Variants in ZNF273 observed in about 807,000 individuals in gnomAD.
ZNF273 encodes zinc finger protein 273, also known as zinc finger protein 9.
In ZNF273, 11 loss-of-function variants were observed where a neutral mutation model predicts 14.9. That is an observed-to-expected ratio of 0.74 (90% CI 0.46 to 1.22). The LOEUF (loss-of-function observed/expected upper bound fraction) is 1.22. Ranked by LOEUF, ZNF273 falls within the 50% of genes most tolerant of loss-of-function variation. The pLI is 0.00. For synonymous variants in ZNF273, 199 were observed against 223.9 expected (o/e 0.89, Z 0.99); for missense variants, 577 against 660.6 (o/e 0.87, Z 1.39).
intron 3 of ZNF273, among the ~76,000 whole-genome samples, chr7:64,918,935 T>G (rs1794229105): frequency 6.6e-6 from 1 of 152,176 alleles, no homozygotes; most frequent in South Asian, 2.1e-4. Context: ...TCTGCATAAT[T>G]TTGAGAAACT....
intron 1 of ZNF273, among the ~76,000 whole-genome samples, chr7:64,913,413 T>G (rs1036728030): frequency 2.0e-5 from 3 of 152,250 alleles, no homozygotes; most frequent in African/African-American, 7.2e-5. Context: ...AATCACATAA[T>G]GTGTTATTTC....
downstream of ZNF273, among the ~76,000 whole-genome samples, chr7:64,882,330 G>A (rs1791285306): frequency 0.011 from 1 of 88 alleles, no homozygotes; most frequent in African/African-American, 0.036. Context: ...AGCCGACCAC[G>A]GAGACGCCCC....
At chr7:64,909,229 CT>C (rs35538141) in intron 1 of ZNF273, among the ~76,000 whole-genome samples, 64 of 145,344 alleles carry the variant, frequency 4.4e-4, no homozygotes, top group Admixed American at 5.5e-4. Context: ...ATGTTTTCTT[CT>C]TTTTTTTTTT....
At chr7:64,916,112 C>T (rs1793961921) in intron 1 of ZNF273, among the ~76,000 whole-genome samples, 1 of 152,036 alleles carries the variant, frequency 6.6e-6, no homozygotes, top group Non-Finnish European at 1.5e-5. Context: ...AGGAGAATCG[C>T]TTGAGCCTGA....
chr7:64,923,013 T>C (rs1794579635), intron 3 of ZNF273, among the ~76,000 whole-genome samples: 2 of 152,068 alleles, frequency 1.3e-5, no homozygotes, highest in Admixed American at 6.6e-5. Flanking sequence ...TTACAATAAA[T>C]ATTCTTAAAT....
Position 64,928,623 on chromosome 7 carries a change from G to A in ZNF273, c.1295G>A (p.Cys432Tyr), listed in dbSNP as rs1296659579. The A allele has an allele frequency of 6.2e-7, 1 of 1,613,226 alleles. No individual in the cohort carries two copies. Among genetic ancestry groups the A allele is most frequent in the Non-Finnish European group, 8.5e-7 (1 of 1,179,716 alleles). The change falls in exon 4 of 4, where the codon TGT (cysteine) becomes TAT (tyrosine). Residue 432 changes from cysteine to tyrosine, a missense_variant. Coordinates refer to ENST00000476120, the MANE Select transcript of ZNF273 (RefSeq NM_021148.3). Reference protein sequence around the residue: ...RIYTKEKPYKCEECGKAFSVF... With the variant: ...RIYTKEKPYKYEECGKAFSVF... Reference sequence around the variant, plus strand: ...TATACTAAAGAGAAACCATACAAATGTGAAGAATGTGGAAAAGCCTTTAGT... The same window carrying A: ...TATACTAAAGAGAAACCATACAAATATGAAGAATGTGGAAAAGCCTTTAGT...
downstream of ZNF273, among the ~76,000 whole-genome samples, chr7:64,891,519 G>C (rs367788144): frequency 1.3e-5 from 2 of 152,158 alleles, no homozygotes; most frequent in Non-Finnish European, 2.9e-5. Flanking sequence ...TTCCAAACTG[G>C]TCCAAGGATC....
intron 1 of ZNF273, among the ~76,000 whole-genome samples, chr7:64,910,186 T>A (rs1272615986): frequency 6.6e-6 from 1 of 152,158 alleles, no homozygotes; most frequent in East Asian, 1.9e-4. Context: ...AATTAGGTCT[T>A]ATTTGTCCAT....
chr7:64,898,992 C>T (rs1301504117), upstream of ZNF273, among the ~76,000 whole-genome samples: 5 of 152,202 alleles, frequency 3.3e-5, no homozygotes, highest in Admixed American at 1.3e-4. Flanking sequence ...ACTAGATTTG[C>T]AATTTTCAAT....
chr7:64,912,422 G>GAAGTCT (rs1562959005), intron 1 of ZNF273, among the ~76,000 whole-genome samples: 1 of 152,118 alleles, frequency 6.6e-6, no homozygotes, highest in East Asian at 1.9e-4. Context: ...TGCTAGAATC[G>GAAGTCT]AAGTCTCTTC....
exon 2 of ZNF273, chr7:64,888,661 G>A (rs998024335): frequency 1.0e-6 from 1 of 985,818 alleles, no homozygotes; most frequent in South Asian, 4.7e-5. Flanking sequence ...CTGACCAGGG[G>A]GCCGCGTCTT....
chr7:64,904,415 A>C (rs969081663), intron 1 of ZNF273, among the ~76,000 whole-genome samples: 2 of 152,130 alleles, frequency 1.3e-5, no homozygotes, highest in Non-Finnish European at 2.9e-5. Context: ...TTTTTAAAAA[A>C]TGGGGACCCT....
At chr7:64,903,212 C>A (rs1039189314), upstream of ZNF273, 309 of 908,106 alleles carry the variant, frequency 3.4e-4, 1 homozygote, top group Middle Eastern at 1.6e-3. Flanking sequence ...GGCTGGGACC[C>A]GTCCAATCAG....
At chr7:64,921,956 A>G (rs1794496844) in intron 3 of ZNF273, among the ~76,000 whole-genome samples, 1 of 152,004 alleles carries the variant, frequency 6.6e-6, no homozygotes, top group African/African-American at 2.4e-5. Context: ...ACTGTGTCAG[A>G]TATGATTATG....
chr7:64,920,677 G>T (rs1277976095), intron 3 of ZNF273, among the ~76,000 whole-genome samples: 1 of 145,340 alleles, frequency 6.9e-6, no homozygotes, highest in East Asian at 2.0e-4. Context: ...CCGAATGAGG[G>T]CCTGCCTCCT....
chr7:64,888,266 C>T (rs1024656248), intron 1 of ZNF273: 1 of 984,040 alleles, frequency 1.0e-6, no homozygotes, highest in Non-Finnish European at 1.2e-6. Context: ...CGTCAGATGT[C>T]CCTGTCTCTA....
Position 64,930,165 on chromosome 7 carries a change from A to G in ZNF273, c.*1127A>G, listed in dbSNP as rs1794954839. ...AGGCATGAGCCACTGCACCCGGCGC[A>G]TGTTTTTTCTTCATTCCTATTGTAT... is the stretch of plus-strand genomic sequence containing the variant. On this transcript the variant is annotated 3_prime_UTR_variant, in exon 4 of 4. Transcript: ENST00000476120. 1 of 152,178 alleles carries G rather than the reference A, an allele frequency of 6.6e-6. No homozygotes were observed. The highest frequency in any genetic ancestry group is 1.5e-5 in the Non-Finnish European group (1 of 68,048). The allele number at this position is 152,178 out of a possible 1,614,324, so 9.4% of individuals were successfully genotyped here.
At chr7:64,880,057 C>G (rs1791206740), downstream of ZNF273, 1 of 152,214 alleles carries the variant, frequency 6.6e-6, no homozygotes, top group Non-Finnish European at 1.5e-5. Context: ...AAGTAGTGAG[C>G]GCGGGCTCGA....
chr7:64,888,364 G>A, intron 1 of ZNF273: 1 of 985,332 alleles, frequency 1.0e-6, no homozygotes, highest in Non-Finnish European at 1.2e-6. Context: ...GGGGGAAGCG[G>A]GTTATGAAGA....
Sources: allele counts gnomAD v4.1 joint callset (sites outside exome capture counted in the v4.1 genomes callset), GRCh38; gene constraint gnomAD v4.1.1; transcripts MANE v1.5; gene names NCBI Gene and HGNC (gene_info 2026-07-23, HGNC 2026-07-21).